NKAIN3: variants seen among roughly 807,000 people sequenced by gnomAD.
NKAIN3 encodes the protein sodium/potassium-transporting ATPase subunit beta-1-interacting protein 3.
NKAIN3 carries 25 observed loss-of-function variants against 30.2 expected under a neutral mutation model. The ratio of observed to expected loss-of-function variants is 0.83; its 90% confidence interval spans 0.60 to 1.16. NKAIN3 has a LOEUF of 1.16. Among genes scored for constraint, NKAIN3 ranks in the 50% most tolerant of loss-of-function variants. NKAIN3 has a pLI of 0.00. For synonymous variants in NKAIN3, 91 were observed against 89.6 expected (o/e 1.02, Z -0.09); for missense variants, 225 against 254.1 (o/e 0.89, Z 0.78).
intron 4 of NKAIN3, among the ~76,000 whole-genome samples, chr8:62,840,980 A>T (rs1461190379): frequency 6.6e-6 from 1 of 152,124 alleles, no homozygotes; most frequent in Admixed American, 6.6e-5. Context: ...ACTCAGCTAG[A>T]GGGTTCACAC....
At chr8:62,691,731 T>C (rs1294688378) in intron 3 of NKAIN3, among the ~76,000 whole-genome samples, 2 of 152,202 alleles carry the variant, frequency 1.3e-5, no homozygotes, top group Non-Finnish European at 2.9e-5. Flanking sequence ...TCATTTTGTT[T>C]CTAACAAGAT....
chr8:62,370,045 T>A (rs928733652), intron 1 of NKAIN3, among the ~76,000 whole-genome samples: 2 of 152,094 alleles, frequency 1.3e-5, no homozygotes, highest in African/African-American at 2.4e-5. Context: ...CTTAGTGTGA[T>A]GAAGCAGTTA....
At chr8:62,649,828 G>A (rs533596225) in intron 3 of NKAIN3, among the ~76,000 whole-genome samples, 2 of 152,264 alleles carry the variant, frequency 1.3e-5, no homozygotes, top group Admixed American at 6.5e-5. Context: ...GCTGCATTGG[G>A]CAGGGGCTGG....
chr8:62,364,828 C>CAAAAAAAAAAAA lies in NKAIN3; in HGVS notation c.54+115713_54+115724dup, dbSNP rs58784999. On this transcript the variant is annotated intron_variant, in intron 1 of 6. Transcript: ENST00000623646. ...TGTGTGACAGAGCGAGACTCCACTA[C>CAAAAAAAAAAAA]AAAAAAAAAAAAAAAAAAAAAAATC... Among the ~76,000 whole-genome samples, 547 of 63,700 alleles carry CAAAAAAAAAAAA rather than the reference C, an allele frequency of 8.6e-3. 101 individuals carry two copies. Among genetic ancestry groups the CAAAAAAAAAAAA allele is most frequent in the Middle Eastern group, 0.045 (2 of 44 alleles). The allele number at this position is 63,700 out of a possible 152,430, so 41.8% of individuals were successfully genotyped here. A position where few individuals can be genotyped will look rare whatever the true frequency, so the allele number is the denominator to read the frequency against.
intron 1 of NKAIN3, among the ~76,000 whole-genome samples, chr8:62,430,366 G>GGTGTGTGTGTGT (rs59837325): frequency 2.2e-4 from 32 of 142,458 alleles, no homozygotes; most frequent in Non-Finnish European, 3.2e-4. Context: ...TATATATTGT[G>GGTGTGTGTGTGT]GTGTGTGTGT....
chr8:62,950,808 A>G (rs781693015), intron 5 of NKAIN3, among the ~76,000 whole-genome samples: 40 of 152,132 alleles, frequency 2.6e-4, no homozygotes, highest in Non-Finnish European at 1.6e-4. Flanking sequence ...TTTGTCCTAC[A>G]TTTTTTAGTT....
At chr8:62,610,861 C>A (rs1302616981) in intron 3 of NKAIN3, among the ~76,000 whole-genome samples, 1 of 152,078 alleles carries the variant, frequency 6.6e-6, no homozygotes, top group Non-Finnish European at 1.5e-5. Flanking sequence ...TTGAAATGAG[C>A]CCTACTACGT....
chr8:62,858,218 G>T (rs1293963787), intron 4 of NKAIN3, among the ~76,000 whole-genome samples: 1 of 152,176 alleles, frequency 6.6e-6, no homozygotes, highest in African/African-American at 2.4e-5. Flanking sequence ...ATGGCAGCCT[G>T]CCCCTTCCTC....
chr8:62,899,290 T>G (rs1325699223), intron 4 of NKAIN3, among the ~76,000 whole-genome samples: 2 of 152,192 alleles, frequency 1.3e-5, no homozygotes, highest in African/African-American at 4.8e-5. Context: ...GCCATGTTTG[T>G]TTCAGCACTG....
At chr8:62,421,316 G>C (rs1228854218) in intron 1 of NKAIN3, among the ~76,000 whole-genome samples, 1 of 152,134 alleles carries the variant, frequency 6.6e-6, no homozygotes, top group Non-Finnish European at 1.5e-5. Flanking sequence ...CCCTACTTCA[G>C]TGGGGTAGTG....
intron 1 of NKAIN3, among the ~76,000 whole-genome samples, chr8:62,293,367 T>G (rs551397501): frequency 6.6e-6 from 1 of 152,320 alleles, no homozygotes; most frequent in African/African-American, 2.4e-5. Context: ...TCTTTGCTGT[T>G]TTATCTACCT....
In NKAIN3 at chr8:62,983,087, C is replaced by G. The variant is rs1018584652; in HGVS notation, c.*17680C>G. On this transcript the variant is annotated 3_prime_UTR_variant, in exon 7 of 7. Transcript: ENST00000623646. ...TACCAGCATTTGGTAAACTAGCTCC[C>G]TAGGTGAGACAGCATTAGATGACCT... 2.0e-5 allele frequency: 3 copies of G among 152,162 alleles called. No homozygotes were observed. Among genetic ancestry groups the G allele is most frequent in the Non-Finnish European group, 4.4e-5 (3 of 68,042 alleles). The allele number at this position is 152,162 out of a possible 1,614,324, so 9.4% of individuals were successfully genotyped here.
In NKAIN3 at chr8:62,970,888, T is replaced by C. The variant is rs1293794322; in HGVS notation, c.*5481T>C. Among the ~76,000 whole-genome samples the C allele has an allele frequency of 1.3e-5, 2 of 152,238 alleles. No individual in the cohort carries two copies. The highest frequency in any genetic ancestry group is 2.9e-5 in the Non-Finnish European group (2 of 68,044). On this transcript the variant is annotated 3_prime_UTR_variant, in exon 7 of 7. Coordinates refer to ENST00000623646, the MANE Select transcript of NKAIN3 (RefSeq NM_001304533.3). The stretch of plus-strand genomic sequence containing the variant: ...AATCTATCCATTTCTTCTCATAGAA[T>C]TTGCTTTGGCAGACAACTTAGTCTA...
At chr8:62,922,013 A>G (rs1822294965) in intron 5 of NKAIN3, among the ~76,000 whole-genome samples, 1 of 152,220 alleles carries the variant, frequency 6.6e-6, no homozygotes, top group Non-Finnish European at 1.5e-5. Context: ...ATTTGGGCTC[A>G]CAAAGGCTAG....
chr8:62,750,005 G>C (rs1414733455), intron 4 of NKAIN3, among the ~76,000 whole-genome samples: 1 of 151,916 alleles, frequency 6.6e-6, no homozygotes. Flanking sequence ...TTAAACATTT[G>C]ATTCAGGAGA....
intron 1 of NKAIN3, among the ~76,000 whole-genome samples, chr8:62,567,435 T>C (rs1021896826): frequency 1.3e-5 from 2 of 152,186 alleles, no homozygotes; most frequent in African/African-American, 2.4e-5. Context: ...TCCGAATCAC[T>C]GGAATGTGTT....
At chr8:62,343,359 C>A (rs749663118) in intron 1 of NKAIN3, among the ~76,000 whole-genome samples, 2 of 151,920 alleles carry the variant, frequency 1.3e-5, no homozygotes, top group Non-Finnish European at 2.9e-5. Flanking sequence ...TCTGAGTTGT[C>A]ATTATTATTT....
chr8:62,581,395 G>A (rs1810288331), intron 2 of NKAIN3, among the ~76,000 whole-genome samples: 1 of 152,146 alleles, frequency 6.6e-6, no homozygotes, highest in South Asian at 2.1e-4. Context: ...TGGTGGCTTT[G>A]AAACCATAGA....
intron 4 of NKAIN3, among the ~76,000 whole-genome samples, chr8:62,774,687 G>A (rs552894276): frequency 1.3e-5 from 2 of 152,186 alleles, no homozygotes; most frequent in East Asian, 3.9e-4. Flanking sequence ...ACTTTATTCT[G>A]TTGACATGGT....
Sources: gnomAD v4.1 joint callset for allele counts (sites outside exome capture counted in the v4.1 genomes callset) on GRCh38, gnomAD v4.1.1 for gene constraint, MANE v1.5 for transcripts, NCBI Gene and HGNC (gene_info 2026-07-23, HGNC 2026-07-21) for gene names.